Variants in SPOP observed in about 807,000 individuals in gnomAD.
The protein encoded by SPOP is speckle type BTB/POZ protein.
A neutral mutation model predicts 45.6 loss-of-function variants in SPOP; 11 were observed. The observed-to-expected ratio is 0.24, with a 90% CI of 0.15 to 0.40. The LOEUF is 0.40. Among genes scored for constraint, SPOP ranks in the 10% least tolerant of loss-of-function variants. SPOP has a pLI of 1.00. For missense variants in SPOP, 152 were observed against 465.6 expected (o/e 0.33, Z 6.20); for synonymous variants, 166 against 166.3 (o/e 1.00, Z 0.01).
In SPOP at chr17:49,619,458, G is replaced by C. The variant is rs7219984; in HGVS notation, c.201-73C>G. On this transcript the variant is annotated intron_variant, in intron 3 of 9. Transcript: ENST00000504102. The surrounding 1 kb of genome is among the most constrained non-coding windows in gnomAD (Gnocchi z 4.9). ...ATAGAACTGGAAATCAGACTCAAGA[G>C]AGGGAGATGTTTAAAAAACAAATGC... The C allele has an allele frequency of 6.7e-7, 1 of 1,495,984 alleles. No homozygotes were observed. Among genetic ancestry groups the C allele is most frequent in the Admixed American group, 2.4e-5 (1 of 41,080 alleles). 92.7% of individuals were successfully genotyped at this position (1,495,984 alleles called of 1,614,324 possible).
At chr17:49,655,984 G>T (rs1164192239) in intron 1 of SPOP, among the ~76,000 whole-genome samples, 2 of 151,946 alleles carry the variant, frequency 1.3e-5, no homozygotes, top group Non-Finnish European at 2.9e-5. Context: ...CTAATTTTTT[G>T]TATTTTTAGT....
chr17:49,648,116 A>G (rs963609958), intron 1 of SPOP, among the ~76,000 whole-genome samples: 1 of 152,158 alleles, frequency 6.6e-6, no homozygotes, highest in African/African-American at 2.4e-5. Context: ...AATGTATTCC[A>G]TATTTATCCA....
intron 1 of SPOP, among the ~76,000 whole-genome samples, chr17:49,652,931 T>C (rs1409477228): frequency 2.0e-5 from 3 of 152,232 alleles, no homozygotes; most frequent in Admixed American, 2.0e-4. Context: ...AAGGTCAGCA[T>C]TTTATTGGGT....
At position 49,632,175 on chromosome 17, in the gene SPOP, T is replaced by A. The variant is rs889090471; in HGVS notation, c.-66-9299A>T. 5.3e-5 allele frequency among the ~76,000 whole-genome samples: 8 copies of A among 152,326 alleles called. No homozygotes were observed. The East Asian group carries it at 1.5e-3, about 29-fold the overall frequency. On this transcript the variant is annotated intron_variant, in intron 1 of 9. Transcript: ENST00000504102. ...TAAAGTTTAGGAGTTGTTGAATGAATGTAGCTATAGGAATCCAGGCATACT... is the reference window on the plus strand; with the variant it reads ...TAAAGTTTAGGAGTTGTTGAATGAAAGTAGCTATAGGAATCCAGGCATACT...
intron 5 of SPOP, among the ~76,000 whole-genome samples, chr17:49,615,135 A>T (rs1478881073): frequency 2.6e-5 from 4 of 152,190 alleles, no homozygotes; most frequent in Non-Finnish European, 5.9e-5. Flanking sequence ...CTGGGATTAC[A>T]GGTTATAGTG....
At chr17:49,641,897 C>G (rs771856663) in intron 1 of SPOP, among the ~76,000 whole-genome samples, 1 of 151,944 alleles carries the variant, frequency 6.6e-6, no homozygotes, top group East Asian at 1.9e-4. Context: ...GTAGTTGGCA[C>G]CTGTACTCCC....
At chr17:49,666,448 GACACACACAC>G (rs36210011) in intron 1 of SPOP, among the ~76,000 whole-genome samples, 4,603 of 142,036 alleles carry the variant, frequency 0.032, 124 homozygotes, top group African/African-American at 0.068. Flanking sequence ...CATGAAGACA[GACACACACAC>G]ACACACACAC....
At chr17:49,650,110 T>C (rs7217696) in intron 1 of SPOP, among the ~76,000 whole-genome samples, 8,104 of 151,696 alleles carry the variant, frequency 0.053, 743 homozygotes, top group African/African-American at 0.18. Context: ...AGACTGGTCT[T>C]GAACTCCCAA....
chr17:49,654,791 GTAAA>G (rs761800490), intron 1 of SPOP, among the ~76,000 whole-genome samples: 27 of 152,094 alleles, frequency 1.8e-4, no homozygotes, highest in Non-Finnish European at 3.2e-4. Flanking sequence ...TCTCAAAAAA[GTAAA>G]TAAATAAAAT....
At position 49,632,050 on chromosome 17, in the gene SPOP, C is replaced by T. The variant is rs183053200; in HGVS notation, c.-66-9174G>A. Among the ~76,000 whole-genome samples the T allele has an allele frequency of 2.7e-3, 404 of 152,278 alleles. 1 individual carries two copies. The highest frequency in any genetic ancestry group is 4.1e-3 in the Non-Finnish European group (278 of 68,030). On this transcript the variant is annotated intron_variant, in intron 1 of 9. Transcript: ENST00000504102. Reference sequence around the variant, plus strand: ...TCCCCCTGTGCCTAGAATGGCATAACAGGCACTCAGTAAATATTTGTTCAA... The same window carrying T: ...TCCCCCTGTGCCTAGAATGGCATAATAGGCACTCAGTAAATATTTGTTCAA...
At position 49,599,325 on chromosome 17, in the gene SPOP, T is replaced by G. The variant is rs2071696646; in HGVS notation, c.*1053A>C. The G allele has an allele frequency of 4.5e-6, 1 of 221,568 alleles. No homozygotes were observed. Among genetic ancestry groups the G allele is most frequent in the South Asian group, 1.8e-4 (1 of 5,426 alleles). 13.7% of individuals were successfully genotyped at this position (221,568 alleles called of 1,614,324 possible). On this transcript the variant is annotated 3_prime_UTR_variant, in exon 10 of 10. Coordinates refer to ENST00000504102, the MANE Select transcript of SPOP (RefSeq NM_001007228.2). ...TTTATATTTTCAAAAAAAAAAAAAT[T>G]AACATTTGGAAGTTCTCCCCTGGAG... is the stretch of plus-strand genomic sequence containing the variant.
chr17:49,657,572 T>C (rs971549253), intron 1 of SPOP, among the ~76,000 whole-genome samples: 8 of 151,904 alleles, frequency 5.3e-5, no homozygotes, highest in Non-Finnish European at 1.0e-4. Flanking sequence ...CTAATTTTTG[T>C]ATTTTTAATA....
intron 1 of SPOP, among the ~76,000 whole-genome samples, chr17:49,632,983 T>G (rs2143383976): frequency 6.6e-6 from 1 of 152,350 alleles, no homozygotes; most frequent in African/African-American, 2.4e-5. Context: ...AAATTTTTTC[T>G]ATACCAGGCT....
intron 1 of SPOP, chr17:49,636,454 G>T (rs1385955018): frequency 2.6e-5 from 4 of 152,110 alleles, no homozygotes; most frequent in African/African-American, 9.7e-5. Context: ...CACCAGAGAA[G>T]ATCAGAATAA....
chr17:49,601,310 C>T (rs1282355949), intron 9 of SPOP: 1 of 152,118 alleles, frequency 6.6e-6, no homozygotes, highest in Non-Finnish European at 1.5e-5. Context: ...AGTTACAACT[C>T]ATCTTTCATA....
chr17:49,668,995 A>C (rs1445818684), intron 1 of SPOP, among the ~76,000 whole-genome samples: 1 of 150,656 alleles, frequency 6.6e-6, no homozygotes, highest in Non-Finnish European at 1.5e-5. Context: ...CCAGGGTGGT[A>C]TCGATCTCCT....
intron 1 of SPOP, among the ~76,000 whole-genome samples, chr17:49,658,927 C>A (rs2072950712): frequency 6.6e-6 from 1 of 152,180 alleles, no homozygotes. Flanking sequence ...TTCCCAGACA[C>A]CAACTTCTGA....
chr17:49,641,231 C>G lies in SPOP; in HGVS notation c.-66-18355G>C, dbSNP rs933981398. On this transcript the variant is annotated intron_variant, in intron 1 of 9. Coordinates refer to ENST00000504102, the MANE Select transcript of SPOP (RefSeq NM_001007228.2). ...TGAGCAGAGATTGCATTACTGCACTCCAGCCTGGATGACAGAGCAAGACTC... is the reference window on the plus strand; with the variant it reads ...TGAGCAGAGATTGCATTACTGCACTGCAGCCTGGATGACAGAGCAAGACTC... Among the ~76,000 whole-genome samples the G allele has an allele frequency of 3.0e-5, 4 of 134,822 alleles. No individual in the cohort carries two copies. The Admixed American group carries it at 3.3e-4, about 11-fold the overall frequency. The allele number at this position is 134,822 out of a possible 152,430, so 88.4% of individuals were successfully genotyped here. A position where few individuals can be genotyped will look rare whatever the true frequency, so the allele number is the denominator to read the frequency against.
chr17:49,635,158 A>G (rs1467592754), intron 1 of SPOP, among the ~76,000 whole-genome samples: 1 of 152,230 alleles, frequency 6.6e-6, no homozygotes, highest in Non-Finnish European at 1.5e-5. Flanking sequence ...CTCTTCTAAC[A>G]TTATTAAAAA....
Sources: allele counts gnomAD v4.1 joint callset (sites outside exome capture counted in the v4.1 genomes callset), GRCh38; gene constraint gnomAD v4.1.1; non-coding constraint Gnocchi (gnomAD v3.1); transcripts MANE v1.5; gene names NCBI Gene and HGNC (gene_info 2026-07-23, HGNC 2026-07-21).